The following DGKI variants were observed in gnomAD, a reference collection of about 807,000 sequenced individuals.
The protein encoded by DGKI is DAG kinase iota.
Under a neutral mutation model 147.5 loss-of-function variants are expected in DGKI, and 55 were observed. The ratio of observed to expected loss-of-function variants is 0.37; its 90% CI spans 0.30 to 0.47. The LOEUF (loss-of-function observed/expected upper bound fraction) is 0.47, where lower values mean the gene tolerates loss of function less well. Ranked by LOEUF, DGKI falls within the 20% of genes least tolerant of loss-of-function variation. The probability of loss-of-function intolerance (pLI) is 1.00; values close to 1 mark genes in which losing one functional copy is unlikely to be tolerated. For missense variants in DGKI, 1,007 were observed against 1,323.8 expected (o/e 0.76, Z 3.71); for synonymous variants, 469 against 477.1 (o/e 0.98, Z 0.22).
intron 1 of DGKI, among the ~76,000 whole-genome samples, chr7:137,792,038 G>A (rs962677822): frequency 6.6e-6 from 1 of 152,230 alleles, no homozygotes; most frequent in Non-Finnish European, 1.5e-5. Flanking sequence ...AGAGAAAAGA[G>A]AGTGTCTTTT....
chr7:137,489,111 T>C (rs987284232), intron 21 of DGKI, among the ~76,000 whole-genome samples: 1 of 152,198 alleles, frequency 6.6e-6, no homozygotes, highest in Non-Finnish European at 1.5e-5. Context: ...AAGTCCTGCA[T>C]ACATAAATCT....
chr7:137,712,841 T>C (rs1794255987), intron 1 of DGKI, among the ~76,000 whole-genome samples: 1 of 152,206 alleles, frequency 6.6e-6, no homozygotes, highest in African/African-American at 2.4e-5. Context: ...CATAAAACAG[T>C]TTCTCCAAGT....
chr7:137,752,181 A>C (rs896600612), intron 1 of DGKI, among the ~76,000 whole-genome samples: 2 of 152,162 alleles, frequency 1.3e-5, no homozygotes, highest in Non-Finnish European at 1.5e-5. Flanking sequence ...GGGGGGAGCA[A>C]AGAGGAAGAG....
intron 28 of DGKI, among the ~76,000 whole-genome samples, chr7:137,431,637 C>A (rs1022831306): frequency 6.6e-6 from 1 of 152,158 alleles, no homozygotes; most frequent in African/African-American, 2.4e-5. Context: ...ACAGGTATCT[C>A]CAAAATACTT....
intron 20 of DGKI, among the ~76,000 whole-genome samples, chr7:137,538,578 T>C: frequency 6.6e-6 from 1 of 152,198 alleles, no homozygotes; most frequent in African/African-American, 2.4e-5. Flanking sequence ...TTAGTTGTAA[T>C]TCAAAATACA....
intron 28 of DGKI, among the ~76,000 whole-genome samples, chr7:137,417,300 A>C (rs997619805): frequency 6.6e-6 from 1 of 152,256 alleles, no homozygotes; most frequent in South Asian, 2.1e-4. Context: ...TCACAAACTT[A>C]TGAAGACAGG....
At chr7:137,798,383 G>A (rs754363287) in intron 1 of DGKI, among the ~76,000 whole-genome samples, 6 of 151,864 alleles carry the variant, frequency 4.0e-5, no homozygotes, top group Admixed American at 1.3e-4. Flanking sequence ...CCAAAGCATC[G>A]CAAAAAAGAA....
intron 6 of DGKI, among the ~76,000 whole-genome samples, chr7:137,638,466 G>A (rs7782544): frequency 0.18 from 4,397 of 24,184 alleles, 492 homozygotes; most frequent in African/African-American, 0.39. Flanking sequence ...ATATATGTGT[G>A]TATATATGTG....
chr7:137,461,939 T>C (rs71533750), intron 27 of DGKI, among the ~76,000 whole-genome samples: 7,224 of 152,246 alleles, frequency 0.047, 205 homozygotes, highest in Middle Eastern at 0.11. Context: ...CTGGCTATTA[T>C]ATAAAGTGGT....
At chr7:137,431,952 G>T (rs1200947125) in intron 28 of DGKI, among the ~76,000 whole-genome samples, 2 of 152,214 alleles carry the variant, frequency 1.3e-5, no homozygotes, top group Non-Finnish European at 2.9e-5. Flanking sequence ...GATGGAGGAG[G>T]GGTCTGATGG....
chr7:137,569,268 GA>G (rs773187159), intron 19 of DGKI, among the ~76,000 whole-genome samples: 32 of 152,224 alleles, frequency 2.1e-4, no homozygotes, highest in Non-Finnish European at 3.4e-4. Context: ...TCATCTTGCA[GA>G]CAATCCCTGA....
chr7:137,774,496 A>G (rs979252458), intron 1 of DGKI: 3 of 152,218 alleles, frequency 2.0e-5, no homozygotes, highest in Admixed American at 2.0e-4. Context: ...ATAAAGTCGC[A>G]TCCGCTATTC....
At position 137,619,984 on chromosome 7, in the gene DGKI, A is replaced by T. The variant is rs834448; in HGVS notation, c.877-44T>A. 6.2e-3 allele frequency: 8,408 copies of T among 1,353,888 alleles called. 447 individuals are homozygous for T. In the African/African-American group the frequency reaches 0.11, roughly 17 times the overall value. The allele number at this position is 1,353,888 out of a possible 1,614,324, so 83.9% of individuals were successfully genotyped here. A position where few individuals can be genotyped will look rare whatever the true frequency, so the allele number is the denominator to read the frequency against. The stretch of plus-strand genomic sequence containing the variant: ...CAGTAAACAATTCTGGTCAAAGAGT[A>T]ATGCTGCAGCAAGAAGGGATAAATA... On this transcript the variant is annotated intron_variant, in intron 7 of 32. Transcript: ENST00000614521.
At chr7:137,673,894 T>C (rs1238576052) in intron 3 of DGKI, among the ~76,000 whole-genome samples, 1 of 152,176 alleles carries the variant, frequency 6.6e-6, no homozygotes, top group Non-Finnish European at 1.5e-5. Context: ...AGTTTCTATC[T>C]GGCTGTGCCC....
At chr7:137,602,095 TA>T (rs1163200470) in intron 10 of DGKI, among the ~76,000 whole-genome samples, 1 of 152,194 alleles carries the variant, frequency 6.6e-6, no homozygotes, top group African/African-American at 2.4e-5. Flanking sequence ...GTTTAATAGG[TA>T]ACACAGGAGT....
chr7:137,570,925 TTC>T (rs1563091112), intron 19 of DGKI, among the ~76,000 whole-genome samples: 1 of 152,172 alleles, frequency 6.6e-6, no homozygotes, highest in East Asian at 1.9e-4. Flanking sequence ...AAACTTTTCA[TTC>T]TGTTAGAAAA....
intron 3 of DGKI, among the ~76,000 whole-genome samples, chr7:137,662,181 G>C (rs10267021): frequency 2.0e-5 from 3 of 151,340 alleles, no homozygotes; most frequent in Non-Finnish European, 4.4e-5. Context: ...TTTCTTCAAA[G>C]GAATATAGAA....
chr7:137,488,361 G>A (rs1213998544), intron 21 of DGKI, among the ~76,000 whole-genome samples: 1 of 152,014 alleles, frequency 6.6e-6, no homozygotes, highest in African/African-American at 2.4e-5. Context: ...GTAACAGTAG[G>A]ACCTCAGAAA....
chr7:137,549,007 G>A lies in DGKI; in HGVS notation c.2147+3362C>T, dbSNP rs116668111. 6.3e-3 allele frequency among the ~76,000 whole-genome samples: 960 copies of A among 151,974 alleles called. 7 individuals carry two copies. Among genetic ancestry groups the A allele is most frequent in the African/African-American group, 0.023 (933 of 41,466 alleles). ...AAATAAATAAATTATCCAGCCTCAG[G>A]TATTTCTTTACAGCAATGCAAAAAT... On this transcript the variant is annotated intron_variant, in intron 20 of 32. Transcript: ENST00000614521.
Sources: gnomAD v4.1 joint callset for allele counts (sites outside exome capture counted in the v4.1 genomes callset) on GRCh38, gnomAD v4.1.1 for gene constraint, MANE v1.5 for transcripts, NCBI Gene and HGNC (gene_info 2026-07-23, HGNC 2026-07-21) for gene names.